Variants in ZC3H12B observed in about 807,000 individuals in gnomAD.
ZC3H12B encodes zinc finger CCCH-type containing 12B, also known as probable ribonuclease ZC3H12B.
ZC3H12B carries 7 observed loss-of-function variants against 43.9 expected under a neutral mutation model. The observed-to-expected ratio is 0.16, with a 90% CI of 0.09 to 0.30. ZC3H12B has a LOEUF of 0.30. Ranked by LOEUF, ZC3H12B falls within the 10% of genes least tolerant of loss-of-function variation. ZC3H12B has a pLI of 1.00. For missense variants in ZC3H12B, 475 were observed against 670.2 expected (o/e 0.71, Z 3.22); for synonymous variants, 222 against 241.7 (o/e 0.92, Z 0.76).
chrX:65,373,625 G>C (rs1420779717), intron 2 of ZC3H12B, among the ~76,000 whole-genome samples: 1 of 104,222 alleles, frequency 9.6e-6, no homozygotes, highest in Non-Finnish European at 1.9e-5. Flanking sequence ...ATCATTCTCA[G>C]CAAACTATCG....
chrX:65,051,776 G>T, the ZC3H12B span, among the ~76,000 whole-genome samples: 1 of 110,433 alleles, frequency 9.1e-6, no homozygotes, highest in Non-Finnish European at 1.9e-5. Context: ...TGGAGGCTAG[G>T]TTTTTTTAAG....
At chrX:65,157,259 G>A in the ZC3H12B span, among the ~76,000 whole-genome samples, 1 of 112,189 alleles carries the variant, frequency 8.9e-6, no homozygotes, top group Non-Finnish European at 1.9e-5. Flanking sequence ...GAGATTACAG[G>A]CATGAGCCAC....
chrX:65,161,218 T>C, the ZC3H12B span, among the ~76,000 whole-genome samples: 5 of 111,528 alleles, frequency 4.5e-5, no homozygotes, highest in South Asian at 1.1e-3. Flanking sequence ...GGTGTGATGC[T>C]GAAAAAAAAT....
chrX:65,451,639 C>A (rs1038137182), intron 3 of ZC3H12B, among the ~76,000 whole-genome samples: 4 of 111,765 alleles, frequency 3.6e-5, no homozygotes, highest in South Asian at 3.7e-4. Flanking sequence ...TGTGCTCAGC[C>A]TTTTGTTGTC....
chrX:65,131,029 A>C, the ZC3H12B span, among the ~76,000 whole-genome samples: 1 of 111,603 alleles, frequency 9.0e-6, no homozygotes, highest in Non-Finnish European at 1.9e-5. Context: ...TAGTGAGGAA[A>C]CCTCTTTCAG....
the ZC3H12B span, among the ~76,000 whole-genome samples, chrX:65,265,816 C>A: frequency 1.8e-5 from 2 of 111,667 alleles, no homozygotes; most frequent in Non-Finnish European, 3.8e-5. Context: ...AGAAAACCAG[C>A]AGGGAGAGGG....
chrX:65,317,674 C>G, the ZC3H12B span, among the ~76,000 whole-genome samples: 3 of 107,487 alleles, frequency 2.8e-5, no homozygotes, highest in Admixed American at 3.0e-4. Flanking sequence ...ATAATAGTCT[C>G]CAATTCCATC....
At chrX:65,379,349 G>A (rs747071349) in intron 2 of ZC3H12B, among the ~76,000 whole-genome samples, 6 of 111,048 alleles carry the variant, frequency 5.4e-5, no homozygotes, top group South Asian at 3.8e-4. Flanking sequence ...AAGGGCAGAC[G>A]GACACCTCAC....
chrX:65,447,672 A>T (rs2067397017), intron 3 of ZC3H12B, among the ~76,000 whole-genome samples: 1 of 112,122 alleles, frequency 8.9e-6, no homozygotes, highest in Non-Finnish European at 1.9e-5. Context: ...ATGGGAGAAA[A>T]TATTTGCAAA....
At chrX:65,101,174 A>G in the ZC3H12B span, among the ~76,000 whole-genome samples, 1 of 112,148 alleles carries the variant, frequency 8.9e-6, no homozygotes, top group Admixed American at 9.4e-5. Context: ...TAACGCAGAA[A>G]TAAAGATGTT....
At chrX:65,206,734 G>A in the ZC3H12B span, among the ~76,000 whole-genome samples, 1 of 111,388 alleles carries the variant, frequency 9.0e-6, no homozygotes, top group Non-Finnish European at 1.9e-5. Context: ...AACCCGCAGA[G>A]TGGGAAAAAA....
chrX:65,502,906 A>G, exon 5 of ZC3H12B: 1 of 1,211,440 alleles, frequency 8.3e-7, no homozygotes, highest in Non-Finnish European at 1.1e-6. Context: ...TGCCCTGTAC[A>G]ACTGACTCCT....
intron 3 of ZC3H12B, among the ~76,000 whole-genome samples, chrX:65,422,367 G>T (rs915216998): frequency 9.0e-6 from 1 of 111,724 alleles, no homozygotes; most frequent in Non-Finnish European, 1.9e-5. Context: ...TCGATTAGTT[G>T]TTAGGTGAAA....
chrX:65,276,652 T>A, the ZC3H12B span, among the ~76,000 whole-genome samples: 1 of 111,428 alleles, frequency 9.0e-6, no homozygotes, highest in African/African-American at 3.3e-5. Context: ...AAGCAAAAAC[T>A]AAGGAAAGTC....
At chrX:65,246,565 G>T in the ZC3H12B span, among the ~76,000 whole-genome samples, 1 of 111,843 alleles carries the variant, frequency 8.9e-6, no homozygotes, top group Non-Finnish European at 1.9e-5. Context: ...AAAAAGACAT[G>T]CAGACCAATG....
the ZC3H12B span, among the ~76,000 whole-genome samples, chrX:65,106,664 T>G: frequency 2.7e-5 from 3 of 110,891 alleles, no homozygotes; most frequent in Non-Finnish European, 5.7e-5. Flanking sequence ...GAGTCCCAAG[T>G]TTTTGGTTGC....
chrX:65,300,368 G>A, the ZC3H12B span, among the ~76,000 whole-genome samples: 1 of 111,780 alleles, frequency 8.9e-6, no homozygotes, highest in South Asian at 3.7e-4. Flanking sequence ...CTGCGTGGGA[G>A]CTGGGTGAGG....
At chrX:65,452,944 A>T (rs982385601) in intron 3 of ZC3H12B, among the ~76,000 whole-genome samples, 6 of 110,591 alleles carry the variant, frequency 5.4e-5, no homozygotes, top group African/African-American at 2.0e-4. Flanking sequence ...CAATCTACAA[A>T]TTCAATGCAG....
At chrX:65,249,562 C>T in the ZC3H12B span, among the ~76,000 whole-genome samples, 1 of 111,244 alleles carries the variant, frequency 9.0e-6, no homozygotes, top group Non-Finnish European at 1.9e-5. Flanking sequence ...GTTCCATATT[C>T]ATTTTATAAT....
Sources: allele counts gnomAD v4.1 joint callset (sites outside exome capture counted in the v4.1 genomes callset), GRCh38; gene constraint gnomAD v4.1.1; transcripts MANE v1.5; gene names NCBI Gene and HGNC (gene_info 2026-07-23, HGNC 2026-07-21).